S100PBP: variants seen among roughly 807,000 people sequenced by gnomAD.
S100PBP encodes the protein S100P binding protein.
A neutral mutation model predicts 39.9 loss-of-function variants in S100PBP; 15 were observed. That is an observed-to-expected ratio of 0.38 (90% CI 0.25 to 0.58). The LOEUF (loss-of-function observed/expected upper bound fraction) is 0.58, where lower values mean the gene tolerates loss of function less well. S100PBP is among the 20% of genes least tolerant of loss of function. The pLI is 0.70. For synonymous variants in S100PBP, 178 were observed against 180.3 expected (o/e 0.99, Z 0.10); for missense variants, 504 against 487.3 (o/e 1.03, Z -0.32).
chr1:32,816,993 T>G, upstream of S100PBP: 5 of 688,796 alleles, frequency 7.3e-6, no homozygotes, highest in Non-Finnish European at 1.3e-5. Context: ...GTGAGCCCAC[T>G]GTGATTTCTG....
At chr1:32,820,983 TAAC>T (rs1052282620) in intron 1 of S100PBP, among the ~76,000 whole-genome samples, 1 of 148,844 alleles carries the variant, frequency 6.7e-6, no homozygotes, top group Non-Finnish European at 1.5e-5. Context: ...CTCAAAAAAA[TAAC>T]AATAATTTAA....
intron 5 of S100PBP, among the ~76,000 whole-genome samples, chr1:32,838,266 G>C (rs1354065343): frequency 2.7e-5 from 4 of 150,444 alleles, no homozygotes; most frequent in Non-Finnish European, 5.9e-5. Context: ...CCCGGGAGGC[G>C]GAGCTTTCAG....
In S100PBP at chr1:32,821,644, T is replaced by C. The variant is rs570083390; in HGVS notation, c.-119-3669T>C. 1.8e-4 allele frequency among the ~76,000 whole-genome samples: 27 copies of C among 149,766 alleles called. No individual in the cohort carries two copies. In the East Asian group the frequency reaches 2.6e-3, roughly 14 times the overall value. On this transcript the variant is annotated intron_variant, in intron 1 of 6. Transcript: ENST00000373475. ...CTGTTTCTTTTTTCTTTCTTTCTTTTTTTTTTTTTTGATACAGTTTTACTC... is the reference window on the plus strand; with the variant it reads ...CTGTTTCTTTTTTCTTTCTTTCTTTCTTTTTTTTTTGATACAGTTTTACTC...
intron 4 of S100PBP, among the ~76,000 whole-genome samples, chr1:32,829,500 T>G (rs1438399541): frequency 6.6e-6 from 1 of 152,210 alleles, no homozygotes; most frequent in Non-Finnish European, 1.5e-5. Context: ...TCTCACTCTG[T>G]GGCCCAAGCT....
At chr1:32,817,487 G>A (rs1245552750), upstream of S100PBP, 4 of 608,404 alleles carry the variant, frequency 6.6e-6, no homozygotes, top group Admixed American at 2.9e-5. Flanking sequence ...TGGGCGGTGC[G>A]GAGGGCGGGG....
chr1:32,817,504 C>A (rs905903653), upstream of S100PBP: 5 of 599,480 alleles, frequency 8.3e-6, no homozygotes, highest in African/African-American at 7.4e-5. Context: ...GGGGCTGAGG[C>A]GCCTGAGCGG....
intron 5 of S100PBP, among the ~76,000 whole-genome samples, chr1:32,831,038 C>A (rs894244849): frequency 2.0e-5 from 3 of 151,438 alleles, no homozygotes; most frequent in Non-Finnish European, 4.4e-5. Context: ...CAAGATCATG[C>A]CGTCGCACTT....
chr1:32,835,139 A>G (rs1272705004), intron 5 of S100PBP: 1 of 152,176 alleles, frequency 6.6e-6, no homozygotes, highest in Non-Finnish European at 1.5e-5. Flanking sequence ...ATTCCATCTC[A>G]AAAGAAAAAA....
intron 1 of S100PBP, chr1:32,818,389 G>C: frequency 6.6e-6 from 1 of 152,426 alleles, no homozygotes; most frequent in East Asian, 1.9e-4. Context: ...AAGGGCTGGA[G>C]GCGGCGTCAC....
At chr1:32,846,258 G>A (rs1640369964) in intron 5 of S100PBP, among the ~76,000 whole-genome samples, 1 of 152,042 alleles carries the variant, frequency 6.6e-6, no homozygotes, top group African/African-American at 2.4e-5. Context: ...CAAAGTGCTG[G>A]GATTACAGGC....
In S100PBP at chr1:32,826,360, G is replaced by A; in HGVS notation, c.261G>A (p.Gly87=). ...GGCATGTTGAGAAGGGAGAAAGAGG[G>A]AGTCAAATTCTACTTGATACTCCCC... ...DGGHVEKGER[G]SQILLDTPRE... The change falls in exon 3 of 7, where the codon GGG becomes GGA. Residue 87 remains glycine (G), a synonymous_variant. Coordinates refer to ENST00000373475, the MANE Select transcript of S100PBP (RefSeq NM_022753.4). The A allele has an allele frequency of 6.2e-7, 1 of 1,614,114 alleles. No individual in the cohort carries two copies. The highest frequency in any genetic ancestry group is 8.5e-7 in the Non-Finnish European group (1 of 1,180,002).
intron 5 of S100PBP, among the ~76,000 whole-genome samples, chr1:32,832,097 C>T (rs2148656247): frequency 6.6e-6 from 1 of 152,280 alleles, no homozygotes; most frequent in South Asian, 2.1e-4. Flanking sequence ...CACATCTTGG[C>T]ACCACTGCTT....
intron 1 of S100PBP, among the ~76,000 whole-genome samples, chr1:32,823,841 A>G (rs1438563856): frequency 6.6e-6 from 1 of 152,242 alleles, no homozygotes; most frequent in Non-Finnish European, 1.5e-5. Flanking sequence ...GTTGGAAATC[A>G]TAAAGAGACA....
At chr1:32,852,463 G>T (rs1444356372) in intron 5 of S100PBP, among the ~76,000 whole-genome samples, 1 of 152,184 alleles carries the variant, frequency 6.6e-6, no homozygotes, top group Non-Finnish European at 1.5e-5. Flanking sequence ...GATCCCAGGT[G>T]TTTGAGAAAT....
At chr1:32,831,005 G>A (rs188975755) in intron 5 of S100PBP, among the ~76,000 whole-genome samples, 10 of 152,078 alleles carry the variant, frequency 6.6e-5, no homozygotes, top group African/African-American at 2.2e-4. Flanking sequence ...ACTTGAACCC[G>A]GGAGGCAGAG....
At chr1:32,819,136 G>T (rs964321886) in intron 1 of S100PBP, among the ~76,000 whole-genome samples, 2 of 152,014 alleles carry the variant, frequency 1.3e-5, no homozygotes, top group African/African-American at 4.8e-5. Flanking sequence ...CAGAGAGGGG[G>T]TGGTAAACTG....
chr1:32,827,711 C>T (rs1639394027), intron 3 of S100PBP, among the ~76,000 whole-genome samples: 1 of 151,306 alleles, frequency 6.6e-6, no homozygotes. Context: ...GAACTCCTGA[C>T]CTCAGGTGAT....
chr1:32,844,806 G>A (rs940289407), intron 5 of S100PBP, among the ~76,000 whole-genome samples: 8 of 151,224 alleles, frequency 5.3e-5, no homozygotes, highest in Non-Finnish European at 1.0e-4. Context: ...TCTATAGAGA[G>A]ATATATATCT....
At chr1:32,853,252 C>A in intron 6 of S100PBP, 86 bp downstream of exon 6, 1 of 475,300 alleles carries the variant, frequency 2.1e-6, no homozygotes, top group Non-Finnish European at 3.6e-6. Context: ...CTTTGGGTGG[C>A]CAAGGTGGGT....
Sources: gnomAD v4.1 joint callset for allele counts (sites outside exome capture counted in the v4.1 genomes callset) on GRCh38, gnomAD v4.1.1 for gene constraint, MANE v1.5 for transcripts, NCBI Gene and HGNC (gene_info 2026-07-23, HGNC 2026-07-21) for gene names.